The following EPHA6 variants were observed in gnomAD, a reference collection of about 807,000 sequenced individuals.
EPHA6 encodes the protein EPH receptor A6, also known as ephrin type-A receptor 6.
A neutral mutation model predicts 112.0 loss-of-function variants in EPHA6; 50 were observed. The observed-to-expected ratio is 0.45, with a 90% CI of 0.36 to 0.56. The LOEUF (loss-of-function observed/expected upper bound fraction) is 0.56. EPHA6 is among the 20% of genes least tolerant of loss of function. The probability of loss-of-function intolerance (pLI) is 0.00; values close to 1 mark genes in which losing one functional copy is unlikely to be tolerated. For synonymous variants in EPHA6, 529 were observed against 490.7 expected, an observed-to-expected ratio of 1.08 and a Z score of -1.03; for missense variants, 1,280 against 1,417.4, an observed-to-expected ratio of 0.90 and a Z score of 1.56.
chr3:96,977,210 G>T (rs1485919691), intron 2 of EPHA6, among the ~76,000 whole-genome samples: 1 of 152,074 alleles, frequency 6.6e-6, no homozygotes, highest in East Asian at 1.9e-4. Flanking sequence ...TTTAAGTTTG[G>T]TCTAATTTAA....
At position 97,481,079 on chromosome 3, in the gene EPHA6, C is replaced by T. The variant is rs556389028; in HGVS notation, c.2074+1715C>T. On this transcript the variant is annotated intron_variant, in intron 9 of 17. Transcript: ENST00000389672. ...CCTCACTTCCCAGACGGGGTGGCAG[C>T]GGGGCAGAGGCTGCAATCTCGACAC... 357 of 469,130 alleles carry T rather than the reference C, an allele frequency of 7.6e-4. 3 individuals carry two copies. Among genetic ancestry groups the T allele is most frequent in the African/African-American group, 3.9e-3 (200 of 50,736 alleles). 29.1% of individuals were successfully genotyped at this position (469,130 alleles called of 1,614,324 possible). A position where few individuals can be genotyped will look rare whatever the true frequency, so the allele number is the denominator to read the frequency against.
chr3:97,041,853 C>A (rs936616696), intron 3 of EPHA6, among the ~76,000 whole-genome samples: 2 of 151,960 alleles, frequency 1.3e-5, no homozygotes, highest in African/African-American at 4.8e-5. Context: ...CACTATCATG[C>A]GAACAGCAAG....
chr3:96,888,055 C>G (rs761400636), intron 2 of EPHA6, among the ~76,000 whole-genome samples: 1 of 152,152 alleles, frequency 6.6e-6, no homozygotes, highest in African/African-American at 2.4e-5. Context: ...ACTCTTCCCC[C>G]ACCTGTGGAG....
chr3:97,085,933 A>G (rs901268259), intron 3 of EPHA6, among the ~76,000 whole-genome samples: 6 of 142,092 alleles, frequency 4.2e-5, no homozygotes, highest in East Asian at 2.0e-4. Flanking sequence ...GATGTCATAT[A>G]TATATATATA....
chr3:97,503,343 AT>A (rs1397480516), intron 10 of EPHA6, among the ~76,000 whole-genome samples: 2 of 152,178 alleles, frequency 1.3e-5, no homozygotes, highest in African/African-American at 2.4e-5. Flanking sequence ...AATTCAAATA[AT>A]ATTAAAATTT....
intron 6 of EPHA6, among the ~76,000 whole-genome samples, chr3:97,428,168 A>C (rs1334024929): frequency 2.0e-5 from 3 of 152,198 alleles, no homozygotes; most frequent in Non-Finnish European, 2.9e-5. Flanking sequence ...AGAAGACTAC[A>C]TATAATATAA....
intron 3 of EPHA6, among the ~76,000 whole-genome samples, chr3:97,046,629 A>T: frequency 6.6e-6 from 1 of 152,144 alleles, no homozygotes; most frequent in East Asian, 1.9e-4. Flanking sequence ...AAGATAAAGA[A>T]TAAGCTATCC....
At chr3:97,005,431 G>A (rs2043840623) in intron 3 of EPHA6, among the ~76,000 whole-genome samples, 1 of 152,146 alleles carries the variant, frequency 6.6e-6, no homozygotes, top group Non-Finnish European at 1.5e-5. Flanking sequence ...TATTGTTGAT[G>A]TAAAGGAATG....
intron 6 of EPHA6, among the ~76,000 whole-genome samples, chr3:97,442,613 C>A (rs1433560019): frequency 3.3e-5 from 5 of 152,080 alleles, no homozygotes; most frequent in Non-Finnish European, 5.9e-5. Context: ...CCAGAATATT[C>A]ACGTATTAAA....
intron 14 of EPHA6, among the ~76,000 whole-genome samples, chr3:97,718,464 T>A (rs1041445254): frequency 2.6e-5 from 4 of 152,208 alleles, no homozygotes; most frequent in African/African-American, 9.7e-5. Flanking sequence ...TTTGGTTTTT[T>A]TTAAGTATAA....
chr3:96,935,495 AATTC>A (rs1484361675), intron 2 of EPHA6, among the ~76,000 whole-genome samples: 1 of 150,480 alleles, frequency 6.6e-6, no homozygotes, highest in African/African-American at 2.4e-5. Flanking sequence ...TCTCTTACAT[AATTC>A]ATTTCATATA....
At chr3:97,376,225 G>A (rs1318303396) in intron 5 of EPHA6, among the ~76,000 whole-genome samples, 1 of 152,092 alleles carries the variant, frequency 6.6e-6, no homozygotes, top group Non-Finnish European at 1.5e-5. Context: ...CACCCTAATA[G>A]TAGAGAGTTA....
rs529081606 is a variant in EPHA6 at position 97,577,060 on chromosome 3, A to G, written c.2387-15552A>G. ...GAGACAAGATCTCACTGTGTCTCCC[A>G]GGCTGGAGTGCAGTGGTACAATCAT... On this transcript the variant is annotated intron_variant, in intron 11 of 17. Transcript: ENST00000389672. Among the ~76,000 whole-genome samples, 11 of 152,262 alleles carry G rather than the reference A, an allele frequency of 7.2e-5. No individual in the cohort carries two copies. The East Asian group carries it at 2.1e-3, about 29-fold the overall frequency.
At chr3:97,655,963 A>G (rs896099812) in intron 14 of EPHA6, among the ~76,000 whole-genome samples, 11 of 151,930 alleles carry the variant, frequency 7.2e-5, no homozygotes, top group Non-Finnish European at 1.3e-4. Flanking sequence ...AAATGCAAAC[A>G]CACCTCAAAA....
intron 5 of EPHA6, among the ~76,000 whole-genome samples, chr3:97,393,476 A>G (rs1267154437): frequency 6.6e-6 from 1 of 151,858 alleles, no homozygotes; most frequent in African/African-American, 2.4e-5. Flanking sequence ...GATTATCCTG[A>G]CAACTTTAAA....
Position 97,032,045 on chromosome 3 carries a change from G to C in EPHA6, c.1114+44052G>C, listed in dbSNP as rs571739505. 9.9e-4 allele frequency among the ~76,000 whole-genome samples: 151 copies of C among 152,050 alleles called. 1 individual carries two copies. Among genetic ancestry groups the C allele is most frequent in the South Asian group, 3.1e-3 (15 of 4,818 alleles). ...CACAATAGCAAAGACTTGGAACCAA[G>C]CCAAATGTCCAACAATGATAGACTG... On this transcript the variant is annotated intron_variant, in intron 3 of 17. Coordinates refer to ENST00000389672, the MANE Select transcript of EPHA6 (RefSeq NM_001080448.3).
Position 96,952,258 on chromosome 3 carries a change from C to G in EPHA6, c.451-35072C>G, listed in dbSNP as rs532546290. On this transcript the variant is annotated intron_variant, in intron 2 of 17. Transcript: ENST00000389672. The stretch of plus-strand genomic sequence containing the variant: ...ACCGAATAGCTGTTTTCTAAACTTA[C>G]TTTCTGCTATAGTTTGGATGTGTCT... 1.6e-4 allele frequency among the ~76,000 whole-genome samples: 24 copies of G among 152,294 alleles called. No individual in the cohort carries two copies. The South Asian group carries it at 4.8e-3, about 30-fold the overall frequency.
At chr3:97,473,645 T>A (rs1159583661) in intron 7 of EPHA6, among the ~76,000 whole-genome samples, 1 of 151,900 alleles carries the variant, frequency 6.6e-6, no homozygotes, top group East Asian at 1.9e-4. Flanking sequence ...ATCTGCTTTA[T>A]CTTCAAAAAG....
intron 5 of EPHA6, among the ~76,000 whole-genome samples, chr3:97,303,352 C>G (rs76522127): frequency 0.021 from 3,258 of 152,072 alleles, 84 homozygotes; most frequent in African/African-American, 0.067. Flanking sequence ...AAAAACTCAG[C>G]ATTTCAGTTT....
Sources: gnomAD v4.1 joint callset for allele counts (sites outside exome capture counted in the v4.1 genomes callset) on GRCh38, gnomAD v4.1.1 for gene constraint, MANE v1.5 for transcripts, NCBI Gene and HGNC (gene_info 2026-07-23, HGNC 2026-07-21) for gene names.